Variants in TMEM63B observed in about 807,000 individuals in gnomAD.
The protein encoded by TMEM63B is transmembrane protein 63B.
A neutral mutation model predicts 102.6 loss-of-function variants in TMEM63B; 23 were observed. The observed-to-expected ratio is 0.22, with a 90% CI of 0.16 to 0.32. The LOEUF is 0.32. Ranked by LOEUF, TMEM63B falls within the 10% of genes least tolerant of loss-of-function variation. The probability of loss-of-function intolerance (pLI) is 1.00; values close to 1 mark genes in which losing one functional copy is unlikely to be tolerated. For synonymous variants in TMEM63B, 444 were observed against 437.0 expected (o/e 1.02, Z -0.20); for missense variants, 628 against 1,095.9 (o/e 0.57, Z 6.03).
At chr6:44,154,530 C>A in intron 23 of TMEM63B, 85 bp downstream of exon 23, 1 of 1,566,888 alleles carries the variant, frequency 6.4e-7, no homozygotes, top group Non-Finnish European at 8.8e-7. Flanking sequence ...GAAAGGGGAA[C>A]CTGTGCCAGA....
At chr6:44,137,852 C>A (rs1248514470) in intron 5 of TMEM63B, among the ~76,000 whole-genome samples, 1 of 152,134 alleles carries the variant, frequency 6.6e-6, no homozygotes, top group East Asian at 1.9e-4. Flanking sequence ...GCGCGCACCA[C>A]CACACCCAGC....
chr6:44,138,410 G>A (rs1763443461), intron 5 of TMEM63B, 70 bp from the exon 6 acceptor site: 1 of 1,595,110 alleles, frequency 6.3e-7, no homozygotes, highest in Non-Finnish European at 8.6e-7. Flanking sequence ...GAATGGGTGG[G>A]ACTTGAGGGA....
chr6:44,136,136 G>A (rs1762897718), intron 4 of TMEM63B, among the ~76,000 whole-genome samples: 1 of 152,146 alleles, frequency 6.6e-6, no homozygotes, highest in Admixed American at 6.6e-5. Context: ...CACCATCAGT[G>A]CCCACCTCCG....
rs749699692 is a variant in TMEM63B, at chr6:44,147,400, T to A, written c.887T>A (p.Leu296Gln). Reference protein sequence around the residue: ...AERKKAERGKLYFTNLQSKEN... With the variant: ...AERKKAERGKQYFTNLQSKEN... ...AGGAAGAAGGCCGAGCGGGGAAAGC[T>A]GTACTTCACAAACCTCCAGAGCAAG... The change falls in exon 12 of 24, where the codon CTG (leucine) becomes CAG (glutamine). Residue 296 changes from leucine (L) to glutamine (Q), a missense_variant. Physicochemically the swap from Leu to Gln is moderately radical, Grantham distance 113. Coordinates refer to ENST00000323267, the MANE Select transcript of TMEM63B (RefSeq NM_018426.3). The A allele has an allele frequency of 6.2e-7, 1 of 1,614,184 alleles. No individual in the cohort carries two copies. Among genetic ancestry groups the A allele is most frequent in the Non-Finnish European group, 8.5e-7 (1 of 1,180,040 alleles).
rs995842312 is a variant in TMEM63B at position 44,152,095 on chromosome 6, G to T, written c.1836+87G>T. The T allele has an allele frequency of 6.9e-6, 10 of 1,446,568 alleles. No homozygotes were observed. The highest frequency in any genetic ancestry group is 7.3e-6 in the Non-Finnish European group (8 of 1,090,344). 89.6% of individuals were successfully genotyped at this position (1,446,568 alleles called of 1,614,324 possible). On this transcript the variant is annotated intron_variant, in intron 19 of 23. Coordinates refer to ENST00000323267, the MANE Select transcript of TMEM63B (RefSeq NM_018426.3). This position sits in a 1 kb window ranked among gnomAD's most constrained non-coding sequence, Gnocchi z 6.4. ...GCAGCCATCGCGCTAGGGTTGAGGG[G>T]CACAGGAGGGCTGAGACTTGGGGAG...
chr6:44,147,778 C>A (rs1009479494), intron 12 of TMEM63B, among the ~76,000 whole-genome samples: 2 of 152,190 alleles, frequency 1.3e-5, no homozygotes, highest in Non-Finnish European at 2.9e-5. Flanking sequence ...ATGGGGTTAA[C>A]GTACCCACCT....
chr6:44,147,377 G>T lies in TMEM63B; in HGVS notation c.864G>T (p.Arg288Ser). The change falls in exon 12 of 24, where the codon AGG becomes AGT. Residue 288 changes from arginine (R) to serine (S), a missense_variant and splice_region_variant. Arg to Ser is a moderately radical substitution (Grantham distance 110). Coordinates refer to ENST00000323267, the MANE Select transcript of TMEM63B (RefSeq NM_018426.3). ...GTGACCAGGCATCTGGGTCCCACAG[G>T]AAGAAGGCCGAGCGGGGAAAGCTGT... Reference protein sequence around the residue: ...VARLMFLDAERKKAERGKLYF... With the variant: ...VARLMFLDAESKKAERGKLYF... 6.2e-7 allele frequency: 1 copy of T among 1,614,138 alleles called. No homozygotes were observed. Among genetic ancestry groups the T allele is most frequent in the Non-Finnish European group, 8.5e-7 (1 of 1,180,012 alleles).
rs1777608972 is a variant in TMEM63B at position 44,128,299 on chromosome 6, CGTGT to C, written c.-25+622_-25+625del. On this transcript the variant is annotated intron_variant, in intron 1 of 23. Transcript: ENST00000323267. ...CTGGAGAGGCGGCCGGCCCCGGGAG[CGTGT>C]CCTCTCCTTGCGCCCCACACAGTGC... 2.0e-5 allele frequency among the ~76,000 whole-genome samples: 3 copies of C among 152,218 alleles called. No homozygotes were observed. The East Asian group carries it at 5.8e-4, about 30-fold the overall frequency.
chr6:44,138,735 G>GCCC (rs1763524312), intron 6 of TMEM63B: 2 of 259,544 alleles, frequency 7.7e-6, no homozygotes, highest in East Asian at 6.3e-5. Context: ...ACCCCCTGCC[G>GCCC]GCCCCCCCGC....
intron 10 of TMEM63B, among the ~76,000 whole-genome samples, chr6:44,144,721 C>T (rs1014272215): frequency 1.3e-5 from 2 of 152,024 alleles, no homozygotes; most frequent in Non-Finnish European, 1.5e-5. Flanking sequence ...CTCAGACTCC[C>T]GAGTAGCTGG....
intron 10 of TMEM63B, among the ~76,000 whole-genome samples, chr6:44,142,505 G>A (rs1343832598): frequency 6.6e-6 from 1 of 152,176 alleles, no homozygotes; most frequent in African/African-American, 2.4e-5. Flanking sequence ...ACTTCAGCCT[G>A]AGCGGCAGAG....
intron 18 of TMEM63B, among the ~76,000 whole-genome samples, 181 bp from the exon 19 acceptor site, chr6:44,151,665 G>C (rs545890465): frequency 6.6e-6 from 1 of 152,292 alleles, no homozygotes; most frequent in South Asian, 2.1e-4. Context: ...GGAGCTGTCT[G>C]TTGCCACTCT....
In TMEM63B at chr6:44,155,147, C is replaced by T. The variant is rs1767789501; in HGVS notation, c.*264C>T. 3.4e-6 allele frequency: 1 copy of T among 296,692 alleles called. No homozygotes were observed. Among genetic ancestry groups the T allele is most frequent in the Non-Finnish European group, 6.2e-6 (1 of 160,856 alleles). 18.4% of individuals were successfully genotyped at this position (296,692 alleles called of 1,614,324 possible). On this transcript the variant is annotated 3_prime_UTR_variant, in exon 24 of 24. Coordinates refer to ENST00000323267, the MANE Select transcript of TMEM63B (RefSeq NM_018426.3). ...TCCCCCAGATCAGTACCCCCCACCC[C>T]TCCCCAGCTAGTAGCATGACCAGGA...
In TMEM63B at chr6:44,151,981, G is replaced by C. The variant is rs768469970; in HGVS notation, c.1809G>C (p.Ser603=). The change falls in exon 19 of 24, where the codon TCG becomes TCC. Residue 603 remains serine, a synonymous_variant. Coordinates refer to ENST00000323267, the MANE Select transcript of TMEM63B (RefSeq NM_018426.3). The part of the protein sequence containing the change: ...MYMIRLCLAR[S]AAERRNVKRH... Reference sequence around the variant, plus strand: ...TGATCCGGCTCTGCCTGGCGCGCTCGGCCGCCGAGAGGCGCAACGTGAAGC... The same window carrying C: ...TGATCCGGCTCTGCCTGGCGCGCTCCGCCGCCGAGAGGCGCAACGTGAAGC... 1 of 1,611,164 alleles carries C rather than the reference G, an allele frequency of 6.2e-7. No homozygotes were observed. The highest frequency in any genetic ancestry group is 8.5e-7 in the Non-Finnish European group (1 of 1,178,634).
intron 12 of TMEM63B, among the ~76,000 whole-genome samples, chr6:44,147,830 G>A (rs4714760): frequency 0.37 from 56,027 of 151,998 alleles, 10,517 homozygotes; most frequent in East Asian, 0.49. Context: ...TACATATAAA[G>A]AAGCTTAGAG....
chr6:44,129,605 C>T (rs1433436002), intron 1 of TMEM63B, among the ~76,000 whole-genome samples: 1 of 152,148 alleles, frequency 6.6e-6, no homozygotes, highest in African/African-American at 2.4e-5. Flanking sequence ...AGAATATTCC[C>T]TGTCACTCAG....
At chr6:44,139,644 G>A (rs1763817814) in intron 7 of TMEM63B, 35 bp downstream of exon 7, 1 of 1,614,154 alleles carries the variant, frequency 6.2e-7, no homozygotes, top group South Asian at 1.1e-5. Flanking sequence ...GGTGGAGAGA[G>A]GATGGGGCTG....
At chr6:44,154,493 A>C in intron 23 of TMEM63B, 48 bp downstream of exon 23, 1 of 1,607,196 alleles carries the variant, frequency 6.2e-7, no homozygotes, top group Non-Finnish European at 8.5e-7. Flanking sequence ...ACTCAGCCTC[A>C]AAGCCCAGTG....
At chr6:44,131,073 A>G (rs1778175400) in intron 1 of TMEM63B, among the ~76,000 whole-genome samples, 1 of 151,440 alleles carries the variant, frequency 6.6e-6, no homozygotes, top group Non-Finnish European at 1.5e-5. Flanking sequence ...GCATGCCACC[A>G]CACCCAGCTA....
Sources: gnomAD v4.1 joint callset for allele counts (sites outside exome capture counted in the v4.1 genomes callset) on GRCh38, gnomAD v4.1.1 for gene constraint, Gnocchi (gnomAD v3.1) non-coding constraint, MANE v1.5 for transcripts, NCBI Gene and HGNC (gene_info 2026-07-23, HGNC 2026-07-21) for gene names.